The following BABAM2 variants were observed in gnomAD, a reference collection of about 807,000 sequenced individuals.
BABAM2 encodes the protein BRISC and BRCA1-A complex member 2.
In BABAM2, 31 loss-of-function variants were observed where a neutral mutation model predicts 54.7. That is an observed-to-expected ratio of 0.57 (90% CI 0.43 to 0.77). BABAM2 has a LOEUF of 0.77. BABAM2 is among the 30% of genes least tolerant of loss of function. The pLI is 0.00. For synonymous variants in BABAM2, 167 were observed against 162.9 expected (o/e 1.03, Z -0.19); for missense variants, 364 against 455.8 (o/e 0.80, Z 1.83).
chr2:28,298,567 T>C, intron 11 of BABAM2, 76 bp downstream of exon 11: 1 of 1,569,370 alleles, frequency 6.4e-7, no homozygotes, highest in Non-Finnish European at 8.7e-7. Context: ...AAGCTACTGC[T>C]TGCAGGTTAG....
At chr2:28,045,386 GTCTT>G (rs903447445) in intron 5 of BABAM2, among the ~76,000 whole-genome samples, 3 of 152,216 alleles carry the variant, frequency 2.0e-5, no homozygotes, top group Admixed American at 2.0e-4. Context: ...GGGTAGGTCT[GTCTT>G]TATTGTTTGG....
At chr2:28,199,641 A>G (rs537666950) in intron 7 of BABAM2, among the ~76,000 whole-genome samples, 1 of 152,232 alleles carries the variant, frequency 6.6e-6, no homozygotes, top group Non-Finnish European at 1.5e-5. Flanking sequence ...AGAAGAGTTC[A>G]GGAGTCGTGT....
At chr2:27,937,119 A>G (rs1204318390) in intron 3 of BABAM2, among the ~76,000 whole-genome samples, 1 of 152,144 alleles carries the variant, frequency 6.6e-6, no homozygotes, top group Non-Finnish European at 1.5e-5. Flanking sequence ...GCTTTATTGC[A>G]TTGGTCTGGA....
At chr2:27,895,654 G>A (rs1263894300) in intron 2 of BABAM2, among the ~76,000 whole-genome samples, 1 of 152,122 alleles carries the variant, frequency 6.6e-6, no homozygotes, top group Non-Finnish European at 1.5e-5. Flanking sequence ...GCTGAGTGAT[G>A]CTTTGAGACT....
intron 11 of BABAM2, among the ~76,000 whole-genome samples, chr2:28,337,981 T>C (rs1461498783): frequency 6.6e-6 from 1 of 152,224 alleles, no homozygotes; most frequent in East Asian, 1.9e-4. Flanking sequence ...AGTGAGGTCC[T>C]GTCTCTAAAA....
At chr2:27,954,070 G>A (rs1226443315) in intron 3 of BABAM2, among the ~76,000 whole-genome samples, 1 of 152,158 alleles carries the variant, frequency 6.6e-6, no homozygotes, top group Non-Finnish European at 1.5e-5. Context: ...TTTGATAGCG[G>A]TGCACAAACT....
intron 7 of BABAM2, among the ~76,000 whole-genome samples, chr2:28,141,862 C>T (rs1346638175): frequency 6.6e-6 from 1 of 152,208 alleles, no homozygotes; most frequent in East Asian, 1.9e-4. Context: ...GGGGGTATGT[C>T]AGGTGGATTT....
chr2:28,229,954 T>C (rs777867028), intron 7 of BABAM2, among the ~76,000 whole-genome samples: 1 of 152,216 alleles, frequency 6.6e-6, no homozygotes, highest in Non-Finnish European at 1.5e-5. Flanking sequence ...CATTTCAACT[T>C]TTTTAGACTT....
intron 6 of BABAM2, among the ~76,000 whole-genome samples, chr2:28,086,059 A>G (rs1227111178): frequency 6.6e-6 from 1 of 152,216 alleles, no homozygotes; most frequent in Admixed American, 6.5e-5. Context: ...ATAACAGTAC[A>G]TATTTTATGA....
rs1046734669 is a variant in BABAM2, at chr2:28,034,990, A to G, written c.495+9570A>G. Among the ~76,000 whole-genome samples the G allele has an allele frequency of 4.6e-5, 7 of 152,292 alleles. No individual in the cohort carries two copies. The East Asian group carries it at 5.8e-4, about 13-fold the overall frequency. ...GGAGCTTCTAGTCAAACATGTGACT[A>G]TCGAGCATTTGAAATGTGGCTAGTC... On this transcript the variant is annotated intron_variant, in intron 5 of 11. Coordinates refer to ENST00000379624, the MANE Select transcript of BABAM2 (RefSeq NM_199191.3).
chr2:28,222,285 A>G (rs1021640884), intron 7 of BABAM2, among the ~76,000 whole-genome samples: 17 of 152,152 alleles, frequency 1.1e-4, no homozygotes, highest in Non-Finnish European at 1.5e-5. Context: ...GCCTAGATTG[A>G]TGGAGAGCCC....
At chr2:28,335,452 G>T (rs940864556) in intron 11 of BABAM2, among the ~76,000 whole-genome samples, 1 of 152,222 alleles carries the variant, frequency 6.6e-6, no homozygotes, top group African/African-American at 2.4e-5. Flanking sequence ...TTACAGGCAT[G>T]AGCCACTGCG....
intron 11 of BABAM2, among the ~76,000 whole-genome samples, chr2:28,314,911 AG>A (rs569018673): frequency 1.9e-3 from 290 of 151,130 alleles, no homozygotes; most frequent in African/African-American, 6.4e-3. Context: ...GGGTTCCAGG[AG>A]GTATGCCGGT....
rs777100154 is a variant in BABAM2, at chr2:28,329,656, C to A, written c.1089-8794C>A. The stretch of plus-strand genomic sequence containing the variant: ...GAAAGAAGTTGAATCCCTGAATAGA[C>A]CAATAACAAGTTCTGAAATTGAGGC... On this transcript the variant is annotated intron_variant, in intron 11 of 11. Transcript: ENST00000379624. This position sits in a 1 kb window ranked among gnomAD's most constrained non-coding sequence, Gnocchi z 4.2. 2.0e-5 allele frequency among the ~76,000 whole-genome samples: 3 copies of A among 152,126 alleles called. No homozygotes were observed. Among genetic ancestry groups the A allele is most frequent in the Admixed American group, 6.5e-5 (1 of 15,268 alleles).
At chr2:27,892,361 G>T (rs1459768198) in intron 1 of BABAM2, 1 of 152,164 alleles carries the variant, frequency 6.6e-6, no homozygotes, top group Non-Finnish European at 1.5e-5. Flanking sequence ...GAATGTGTTG[G>T]TTCTGTTTCC....
In BABAM2 at chr2:28,304,922, C is replaced by T. The variant is rs1241847584; in HGVS notation, c.1088+6431C>T. Among the ~76,000 whole-genome samples, 5 of 152,204 alleles carry T rather than the reference C, an allele frequency of 3.3e-5. No individual in the cohort carries two copies. The highest frequency in any genetic ancestry group is 9.6e-5 in the African/African-American group (4 of 41,464). Reference sequence around the variant, plus strand: ...TGAACTCCTGAGCTCAGGCAATCCACCTGCCTTGGCCTCCCAAAGCACTAG... The same window carrying T: ...TGAACTCCTGAGCTCAGGCAATCCATCTGCCTTGGCCTCCCAAAGCACTAG... On this transcript the variant is annotated intron_variant, in intron 11 of 11. Coordinates refer to ENST00000379624, the MANE Select transcript of BABAM2 (RefSeq NM_199191.3). The surrounding 1 kb of genome is among the most constrained non-coding windows in gnomAD (Gnocchi z 4.0).
intron 11 of BABAM2, among the ~76,000 whole-genome samples, chr2:28,301,754 T>A (rs1052371689): frequency 2.0e-5 from 3 of 152,228 alleles, no homozygotes; most frequent in African/African-American, 7.2e-5. Flanking sequence ...AATCACATAC[T>A]GCTTTGGAAT....
At chr2:27,927,248 A>C (rs938836663) in intron 2 of BABAM2, among the ~76,000 whole-genome samples, 6 of 152,184 alleles carry the variant, frequency 3.9e-5, no homozygotes, top group African/African-American at 1.4e-4. Flanking sequence ...TCGGGAAAAA[A>C]ACAATTTGTC....
Position 28,243,684 on chromosome 2 carries a change from G to T in BABAM2, c.852-1096G>T, listed in dbSNP as rs148109086. Among the ~76,000 whole-genome samples the T allele has an allele frequency of 4.9e-3, 749 of 151,980 alleles. 11 individuals carry two copies. The highest frequency in any genetic ancestry group is 0.017 in the African/African-American group (692 of 41,406). On this transcript the variant is annotated intron_variant, in intron 9 of 11. Transcript: ENST00000379624. ...ATCGCACCACTGCACTCCAGCTTGG[G>T]CAATAGGGTGAGACTCTGTCTCAAA...
Sources: allele counts gnomAD v4.1 joint callset (sites outside exome capture counted in the v4.1 genomes callset), GRCh38; gene constraint gnomAD v4.1.1; non-coding constraint Gnocchi (gnomAD v3.1); transcripts MANE v1.5; gene names NCBI Gene and HGNC (gene_info 2026-07-23, HGNC 2026-07-21).